EYS: variants seen among roughly 807,000 people sequenced by gnomAD.
EYS encodes protein eyes shut homolog.
A neutral mutation model predicts 282.1 loss-of-function variants in EYS; 250 were observed. The ratio of observed to expected loss-of-function variants is 0.89; its 90% CI spans 0.80 to 0.98. The LOEUF (loss-of-function observed/expected upper bound fraction) is 0.98, where lower values mean the gene tolerates loss of function less well. Ranked by LOEUF, EYS falls within the 50% of genes least tolerant of loss-of-function variation. The pLI is 0.00. For synonymous variants in EYS, 1,355 were observed against 1,282.9 expected, an observed-to-expected ratio of 1.06 and a Z score of -1.20; for missense variants, 4,016 against 3,709.0, an observed-to-expected ratio of 1.08 and a Z score of -2.15.
At chr6:64,563,855 G>A (rs1166998657) in intron 26 of EYS, among the ~76,000 whole-genome samples, 3 of 151,836 alleles carry the variant, frequency 2.0e-5, no homozygotes, top group Non-Finnish European at 2.9e-5. Context: ...TATTCTCAAA[G>A]TAAATTTAAA....
intron 12 of EYS, among the ~76,000 whole-genome samples, chr6:65,125,326 A>T (rs1449269062): frequency 6.6e-6 from 1 of 152,190 alleles, no homozygotes; most frequent in African/African-American, 2.4e-5. Flanking sequence ...AGTCTCAATG[A>T]AACCAGTTGC....
chr6:65,050,262 C>T (rs554783030), intron 13 of EYS, among the ~76,000 whole-genome samples: 15 of 151,570 alleles, frequency 9.9e-5, no homozygotes, highest in African/African-American at 2.9e-4. Flanking sequence ...GCACTTACAA[C>T]GAACTAAAGG....
intron 35 of EYS, among the ~76,000 whole-genome samples, chr6:63,914,630 C>T (rs753391343): frequency 3.3e-5 from 5 of 151,688 alleles, no homozygotes; most frequent in Non-Finnish European, 5.9e-5. Flanking sequence ...ATCACCTGAA[C>T]TCGGGAGGCA....
At chr6:65,567,193 C>A (rs990354985) in intron 2 of EYS, among the ~76,000 whole-genome samples, 1 of 151,674 alleles carries the variant, frequency 6.6e-6, no homozygotes, top group Non-Finnish European at 1.5e-5. Flanking sequence ...CAGATCCAGG[C>A]ACTTCAACCT....
intron 28 of EYS, among the ~76,000 whole-genome samples, chr6:64,423,403 T>C (rs187474523): frequency 3.3e-5 from 5 of 152,370 alleles, no homozygotes; most frequent in Admixed American, 1.3e-4. Context: ...ATAAGTTTAG[T>C]ATATTCAAAT....
chr6:65,110,121 T>A (rs1271889262), intron 12 of EYS, among the ~76,000 whole-genome samples: 3 of 152,262 alleles, frequency 2.0e-5, no homozygotes, highest in Non-Finnish European at 4.4e-5. Context: ...CTTTATATCA[T>A]GTTTTGTGAA....
chr6:64,236,759 T>G, intron 30 of EYS, among the ~76,000 whole-genome samples: 1 of 151,000 alleles, frequency 6.6e-6, no homozygotes, highest in Non-Finnish European at 1.5e-5. Flanking sequence ...CAGGTTTTTT[T>G]AATTTTTTAA....
intron 21 of EYS, among the ~76,000 whole-genome samples, chr6:64,814,592 A>G (rs1407352488): frequency 6.6e-6 from 1 of 152,030 alleles, no homozygotes; most frequent in Non-Finnish European, 1.5e-5. Context: ...TTATATATAT[A>G]CTTACAGTGT....
At chr6:65,617,707 C>T (rs1766261159) in intron 2 of EYS, among the ~76,000 whole-genome samples, 1 of 128,372 alleles carries the variant, frequency 7.8e-6, no homozygotes, top group Non-Finnish European at 1.6e-5. Context: ...CCCCCCTCCC[C>T]CCACCCCACC....
In EYS at chr6:64,601,809, T is replaced by A. The variant is rs144606752; in HGVS notation, c.3685-8500A>T. ...TCTGACTCTCAACCTAACCTGACCC[T>A]GTTTACTTCTACAGGCACTTCTGTA... On this transcript the variant is annotated intron_variant, in intron 24 of 42. Transcript: ENST00000503581. Among the ~76,000 whole-genome samples, 88 of 152,180 alleles carry A rather than the reference T, an allele frequency of 5.8e-4. 1 individual carries two copies. In the East Asian group the frequency reaches 0.016, roughly 28 times the overall value.
chr6:65,493,681 T>C (rs557759249), intron 4 of EYS, among the ~76,000 whole-genome samples: 146 of 152,020 alleles, frequency 9.6e-4, no homozygotes, highest in African/African-American at 3.4e-3. Context: ...TCATTTACAT[T>C]TTTTTTTAGA....
intron 16 of EYS, among the ~76,000 whole-genome samples, chr6:64,905,970 CA>C (rs1347552824): frequency 2.0e-5 from 3 of 151,354 alleles, no homozygotes; most frequent in Admixed American, 6.6e-5. Flanking sequence ...GTTTTTCTTT[CA>C]AAAGTATTAA....
chr6:65,115,104 G>A (rs1581922212), intron 12 of EYS, among the ~76,000 whole-genome samples: 2 of 151,948 alleles, frequency 1.3e-5, no homozygotes, highest in Middle Eastern at 3.4e-3. Context: ...TTATTTGGCT[G>A]TATTTTTGCA....
intron 37 of EYS, among the ~76,000 whole-genome samples, chr6:63,804,085 C>T (rs984522129): frequency 1.3e-5 from 2 of 152,122 alleles, no homozygotes; most frequent in South Asian, 2.1e-4. Context: ...ACTGCAATCT[C>T]GGCTCACTGC....
chr6:64,051,025 GA>G (rs1001424107), intron 33 of EYS, among the ~76,000 whole-genome samples: 1 of 152,152 alleles, frequency 6.6e-6, no homozygotes, highest in Admixed American at 6.5e-5. Context: ...GTCTCTGATA[GA>G]TTATCTGGTA....
intron 35 of EYS, among the ~76,000 whole-genome samples, chr6:63,883,499 A>G (rs1773186379): frequency 6.6e-6 from 1 of 152,218 alleles, no homozygotes; most frequent in African/African-American, 2.4e-5. Flanking sequence ...GTCAGCAGAT[A>G]ATTGCTTCTG....
chr6:65,663,861 CTTTTCTTTTTTTTTTTT>C (rs897184371), intron 1 of EYS, among the ~76,000 whole-genome samples: 2 of 90,866 alleles, frequency 2.2e-5, no homozygotes, highest in East Asian at 3.3e-4. Context: ...TTTGTTTTTT[CTTTTCTTTTTTTTTTTT>C]TTTTTTTTTT....
intron 22 of EYS, among the ~76,000 whole-genome samples, chr6:64,801,861 T>G (rs896958370): frequency 2.0e-5 from 3 of 151,970 alleles, no homozygotes; most frequent in Non-Finnish European, 4.4e-5. Flanking sequence ...TCTTAACTAG[T>G]CGCTGAGGAG....
intron 8 of EYS, among the ~76,000 whole-genome samples, chr6:65,382,205 C>A (rs539058270): frequency 1.5e-5 from 2 of 135,892 alleles, no homozygotes; most frequent in Non-Finnish European, 3.1e-5. Flanking sequence ...AGAACCTCAT[C>A]CTTTGGTGTT....
Sources: allele counts gnomAD v4.1 joint callset (sites outside exome capture counted in the v4.1 genomes callset), GRCh38; gene constraint gnomAD v4.1.1; transcripts MANE v1.5; gene names NCBI Gene and HGNC (gene_info 2026-07-23, HGNC 2026-07-21).